The following FGF14 variants were observed in gnomAD, a reference collection of about 807,000 sequenced individuals.
FGF14 encodes the protein fibroblast growth factor homologous factor 4.
A neutral mutation model predicts 25.5 loss-of-function variants in FGF14; 5 were observed. The ratio of observed to expected loss-of-function variants is 0.20; its 90% CI spans 0.10 to 0.41. FGF14 has a LOEUF of 0.41. Ranked by LOEUF, FGF14 falls within the 10% of genes least tolerant of loss-of-function variation. The probability of loss-of-function intolerance (pLI) is 1.00; values close to 1 mark genes in which losing one functional copy is unlikely to be tolerated. For synonymous variants in FGF14, 138 were observed against 118.3 expected, an observed-to-expected ratio of 1.17 and a Z score of -1.08; for missense variants, 222 against 320.1, an observed-to-expected ratio of 0.69 and a Z score of 2.34.
intron 1 of FGF14, among the ~76,000 whole-genome samples, chr13:102,228,268 G>A (rs1023474666): frequency 2.6e-5 from 4 of 152,020 alleles, no homozygotes; most frequent in East Asian, 1.9e-4. Flanking sequence ...GTTTCTCAAC[G>A]GTAGCTTTAA....
At chr13:101,937,507 G>C (rs901722485) in intron 1 of FGF14, among the ~76,000 whole-genome samples, 1 of 152,196 alleles carries the variant, frequency 6.6e-6, no homozygotes, top group African/African-American at 2.4e-5. Context: ...CCAGGAGAGA[G>C]GCCTCAGAAG....
chr13:102,063,258 G>A (rs140245536), intron 1 of FGF14, among the ~76,000 whole-genome samples: 320 of 152,248 alleles, frequency 2.1e-3, no homozygotes, highest in Middle Eastern at 6.8e-3. Context: ...AATCAAGAAA[G>A]TAATATTGAT....
At chr13:102,390,998 T>C (rs2058419607) in intron 1 of FGF14, among the ~76,000 whole-genome samples, 1 of 152,180 alleles carries the variant, frequency 6.6e-6, no homozygotes, top group South Asian at 2.1e-4. Context: ...TTTGGGTAAA[T>C]GTTTCAAGTT....
At chr13:101,793,453 T>C (rs9518550) in intron 3 of FGF14, among the ~76,000 whole-genome samples, 132,906 of 152,064 alleles carry the variant, frequency 0.87, 59,466 homozygotes, top group East Asian at 1. Context: ...TATGTATGTA[T>C]CACATTGTCT....
intron 1 of FGF14, among the ~76,000 whole-genome samples, chr13:102,239,375 T>A (rs1594537947): frequency 6.6e-6 from 1 of 152,270 alleles, no homozygotes; most frequent in East Asian, 1.9e-4. Flanking sequence ...CAGAAAAGTG[T>A]TTCTCAAACA....
At chr13:101,986,802 T>A (rs554113264) in intron 1 of FGF14, among the ~76,000 whole-genome samples, 3 of 152,012 alleles carry the variant, frequency 2.0e-5, no homozygotes, top group Admixed American at 2.0e-4. Context: ...CAAAATCTAT[T>A]CATGTTTAAA....
rs9557755 is a variant in FGF14, at chr13:101,901,964, T to C, written c.193+14489A>G. 4.3e-4 allele frequency among the ~76,000 whole-genome samples: 66 copies of C among 152,284 alleles called. No individual in the cohort carries two copies. The East Asian group carries it at 0.012, about 27-fold the overall frequency. ...ATTCATTTTGATGAGTTTGGACATA[T>C]TCATATACTTGTGATACCATCACCA... On this transcript the variant is annotated intron_variant, in intron 1 of 4. Coordinates refer to ENST00000376143, the MANE Select transcript of FGF14 (RefSeq NM_004115.4).
intron 1 of FGF14, among the ~76,000 whole-genome samples, chr13:102,244,818 T>C (rs2051779506): frequency 1.3e-5 from 2 of 152,178 alleles, no homozygotes; most frequent in South Asian, 4.2e-4. Flanking sequence ...CTAGGATACC[T>C]TTCCAAGGAA....
intron 1 of FGF14, among the ~76,000 whole-genome samples, chr13:102,319,225 T>C (rs945615): frequency 0.79 from 119,542 of 152,122 alleles, 47,906 homozygotes; most frequent in African/African-American, 0.95. Context: ...GAAAGGGAGA[T>C]CAGAAAGAAC....
chr13:101,772,329 T>C (rs546917715), intron 3 of FGF14, among the ~76,000 whole-genome samples: 1 of 152,224 alleles, frequency 6.6e-6, no homozygotes, highest in Admixed American at 6.5e-5. Flanking sequence ...ATATAATTAA[T>C]AGCAAATCGT....
chr13:102,337,287 T>C (rs1262747231), intron 1 of FGF14, among the ~76,000 whole-genome samples: 2 of 152,198 alleles, frequency 1.3e-5, no homozygotes, highest in Non-Finnish European at 2.9e-5. Context: ...CCAATCCTTA[T>C]GGATGACTTT....
At chr13:102,171,572 C>T (rs1233369519) in intron 1 of FGF14, among the ~76,000 whole-genome samples, 1 of 152,092 alleles carries the variant, frequency 6.6e-6, no homozygotes, top group African/African-American at 2.4e-5. Context: ...AACAACAAGA[C>T]TTAATGTCTT....
At chr13:101,849,948 G>C (rs1291483266) in intron 3 of FGF14, among the ~76,000 whole-genome samples, 3 of 151,930 alleles carry the variant, frequency 2.0e-5, no homozygotes, top group South Asian at 2.1e-4. Flanking sequence ...AGATCTGTAG[G>C]CCATTCCAAA....
chr13:101,965,717 A>G (rs2037151355), intron 1 of FGF14, among the ~76,000 whole-genome samples: 1 of 151,890 alleles, frequency 6.6e-6, no homozygotes, highest in Admixed American at 6.6e-5. Flanking sequence ...AAAACCAAAA[A>G]TCTAAAGAAA....
intron 1 of FGF14, among the ~76,000 whole-genome samples, chr13:102,346,800 T>C (rs1275113532): frequency 6.6e-6 from 1 of 152,200 alleles, no homozygotes; most frequent in Non-Finnish European, 1.5e-5. Flanking sequence ...GTATTGCTTG[T>C]ATAGTTAAAA....
At chr13:102,235,938 A>G (rs58668427) in intron 1 of FGF14, among the ~76,000 whole-genome samples, 6,358 of 152,326 alleles carry the variant, frequency 0.042, 441 homozygotes, top group African/African-American at 0.14. Context: ...CTGATGTCCC[A>G]ATATCTTAAC....
intron 1 of FGF14, among the ~76,000 whole-genome samples, chr13:102,044,588 C>A (rs1220756456): frequency 6.6e-6 from 1 of 152,012 alleles, no homozygotes; most frequent in African/African-American, 2.4e-5. Flanking sequence ...CTTGGAGATA[C>A]TCTGAAGCAT....
intron 1 of FGF14, among the ~76,000 whole-genome samples, chr13:102,217,298 T>G (rs1012312402): frequency 1.3e-5 from 2 of 151,954 alleles, no homozygotes; most frequent in Non-Finnish European, 2.9e-5. Flanking sequence ...ACTCTGGGAG[T>G]AAAAAAATAA....
intron 1 of FGF14, among the ~76,000 whole-genome samples, chr13:101,997,557 G>T (rs1195758672): frequency 6.6e-6 from 1 of 152,200 alleles, no homozygotes; most frequent in East Asian, 1.9e-4. Flanking sequence ...AAAGCAGATT[G>T]CTGGACCCCA....
Sources: gnomAD v4.1 joint callset for allele counts (sites outside exome capture counted in the v4.1 genomes callset) on GRCh38, gnomAD v4.1.1 for gene constraint, MANE v1.5 for transcripts, NCBI Gene and HGNC (gene_info 2026-07-23, HGNC 2026-07-21) for gene names.